Variants in PPP1R9A observed in about 807,000 individuals in gnomAD.
PPP1R9A encodes the protein protein phosphatase 1 regulatory subunit 9A.
A neutral mutation model predicts 141.9 loss-of-function variants in PPP1R9A; 59 were observed. The ratio of observed to expected loss-of-function variants is 0.42; its 90% CI spans 0.34 to 0.52. The LOEUF (loss-of-function observed/expected upper bound fraction) is 0.52, where lower values mean the gene tolerates loss of function less well. Ranked by LOEUF, PPP1R9A falls within the 20% of genes least tolerant of loss-of-function variation. The pLI is 0.10. For synonymous variants in PPP1R9A, 500 were observed against 569.7 expected (o/e 0.88, Z 1.74); for missense variants, 1,444 against 1,611.9 (o/e 0.90, Z 1.78).
At chr7:95,199,021 A>G (rs550618137) in intron 6 of PPP1R9A, among the ~76,000 whole-genome samples, 2 of 152,338 alleles carry the variant, frequency 1.3e-5, no homozygotes, top group East Asian at 1.9e-4. Flanking sequence ...ATAATGCAGA[A>G]CAAAGCTTTC....
chr7:94,959,747 C>G (rs925104500), intron 2 of PPP1R9A, among the ~76,000 whole-genome samples: 1 of 151,612 alleles, frequency 6.6e-6, no homozygotes, highest in African/African-American at 2.4e-5. Flanking sequence ...TCCTGTCACT[C>G]TAATAGGTCA....
At chr7:94,997,980 A>G (rs949472437) in intron 2 of PPP1R9A, among the ~76,000 whole-genome samples, 1 of 152,160 alleles carries the variant, frequency 6.6e-6, no homozygotes, top group Non-Finnish European at 1.5e-5. Flanking sequence ...GTTTGAAAAA[A>G]AATTTTTTTT....
chr7:95,095,877 T>A (rs1817944676), intron 2 of PPP1R9A, among the ~76,000 whole-genome samples: 2 of 152,214 alleles, frequency 1.3e-5, no homozygotes, highest in South Asian at 2.1e-4. Context: ...TTGAAGGTTT[T>A]TTTTTCCCAC....
At chr7:95,128,154 T>C (rs149279812) in intron 4 of PPP1R9A, among the ~76,000 whole-genome samples, 336 of 152,282 alleles carry the variant, frequency 2.2e-3, no homozygotes, top group Middle Eastern at 6.8e-3. Context: ...CATTCCCTTT[T>C]CTCCACAGCC....
At chr7:95,271,978 T>A (rs748041259) in intron 14 of PPP1R9A, among the ~76,000 whole-genome samples, 11 of 152,208 alleles carry the variant, frequency 7.2e-5, no homozygotes, top group Admixed American at 1.3e-4. Context: ...ATTCTTAACA[T>A]CTTCAGCCCT....
intron 2 of PPP1R9A, among the ~76,000 whole-genome samples, chr7:95,027,379 C>G (rs1370483112): frequency 1.3e-5 from 2 of 152,094 alleles, no homozygotes; most frequent in African/African-American, 4.8e-5. Context: ...AGGTGATGCC[C>G]CACCCTGCTT....
rs1039326758 is a variant in PPP1R9A, at chr7:94,956,300, T to C, written c.1395+44792T>C. Among the ~76,000 whole-genome samples the C allele has an allele frequency of 1.7e-4, 26 of 152,156 alleles. 1 individual carries two copies. Among genetic ancestry groups the C allele is most frequent in the African/African-American group, 5.5e-4 (23 of 41,452 alleles). Reference sequence around the variant, plus strand: ...AAACATATTGAGTGTTAATATTCTTTGGTTCTAGTTTATTTCTAAACAAAA... The same window carrying C: ...AAACATATTGAGTGTTAATATTCTTCGGTTCTAGTTTATTTCTAAACAAAA... On this transcript the variant is annotated intron_variant, in intron 2 of 19. Coordinates refer to ENST00000433360, the MANE Select transcript of PPP1R9A (RefSeq NM_001166160.2).
At chr7:94,933,035 C>CAT (rs140388119) in intron 2 of PPP1R9A, among the ~76,000 whole-genome samples, 34,524 of 151,372 alleles carry the variant, frequency 0.23, 4,712 homozygotes, top group South Asian at 0.42. Context: ...CACATCTCTG[C>CAT]ATATATATAT....
intron 12 of PPP1R9A, among the ~76,000 whole-genome samples, chr7:95,266,900 CG>C (rs1801386292): frequency 1.3e-5 from 2 of 152,024 alleles, no homozygotes; most frequent in African/African-American, 4.8e-5. Context: ...TAGATTTTAT[CG>C]GAAGGAGGAA....
intron 2 of PPP1R9A, among the ~76,000 whole-genome samples, chr7:95,034,217 T>A (rs952624125): frequency 2.0e-5 from 3 of 152,138 alleles, no homozygotes; most frequent in Non-Finnish European, 4.4e-5. Flanking sequence ...GATTTTTGTA[T>A]GTCCTTTGCT....
intron 4 of PPP1R9A, among the ~76,000 whole-genome samples, chr7:95,138,899 G>A (rs1014681591): frequency 6.6e-5 from 10 of 152,182 alleles, no homozygotes; most frequent in Admixed American, 6.5e-4. Flanking sequence ...ATGGCTAGTG[G>A]GAATGCAGAA....
At chr7:94,947,565 T>TG (rs1473701116) in intron 2 of PPP1R9A, among the ~76,000 whole-genome samples, 4 of 152,080 alleles carry the variant, frequency 2.6e-5, no homozygotes, top group African/African-American at 9.7e-5. Context: ...GTGCTTTCTC[T>TG]GGGGGCAGTT....
chr7:95,266,744 G>A (rs1240316530), intron 12 of PPP1R9A, among the ~76,000 whole-genome samples: 2 of 152,068 alleles, frequency 1.3e-5, no homozygotes, highest in African/African-American at 2.4e-5. Context: ...GGCATAAAAC[G>A]TGCAAGTACT....
chr7:95,269,379 C>T lies in PPP1R9A; in HGVS notation c.2996C>T (p.Pro999Leu). ...GAATTTCAAGAAGAACCACTGGACC[C>T]AGAAATGGGGCCTCTCTCCTCTATG... ...IAEFQEEPLD[P>L]EMGPLSSMWG... Residue 999 changes from proline (P) to leucine (L), a missense_variant, in exon 14 of 20, where the codon CCA (proline) becomes CTA (leucine). Physicochemically the swap from Pro to Leu is moderately conservative, Grantham distance 98. Around this residue, in one of 5 missense-constraint regions of PPP1R9A, gnomAD observed 459 missense variants for 513.8 expected, o/e 0.89. Transcript: ENST00000433360. The T allele has an allele frequency of 6.3e-7, 1 of 1,597,996 alleles. No homozygotes were observed. The highest frequency in any genetic ancestry group is 1.1e-5 in the South Asian group (1 of 90,828).
intron 4 of PPP1R9A, among the ~76,000 whole-genome samples, chr7:95,146,517 A>C (rs1205424117): frequency 6.6e-6 from 1 of 152,080 alleles, no homozygotes; most frequent in African/African-American, 2.4e-5. Flanking sequence ...CCCATTTGTG[A>C]ATTTTGGCTT....
intron 4 of PPP1R9A, among the ~76,000 whole-genome samples, chr7:95,157,259 C>G (rs909118886): frequency 6.7e-6 from 1 of 149,316 alleles, no homozygotes; most frequent in African/African-American, 2.4e-5. Flanking sequence ...CTCCCCCTCT[C>G]CCCCCCCAGA....
Position 95,190,804 on chromosome 7 carries a change from C to G in PPP1R9A, c.1755-7545C>G, listed in dbSNP as rs773065196. Among the ~76,000 whole-genome samples, 139 of 152,346 alleles carry G rather than the reference C, an allele frequency of 9.1e-4. 1 individual carries two copies. The highest frequency in any genetic ancestry group is 6.9e-4 in the Non-Finnish European group (47 of 68,032). ...TGGTGGTTCCTGGATTAAAAGTCCA[C>G]ATTGTGAGTCCCCACACATTGTTCT... On this transcript the variant is annotated intron_variant, in intron 5 of 19. Coordinates refer to ENST00000433360, the MANE Select transcript of PPP1R9A (RefSeq NM_001166160.2).
chr7:95,124,317 T>C (rs1316008107), intron 4 of PPP1R9A, among the ~76,000 whole-genome samples: 1 of 152,134 alleles, frequency 6.6e-6, no homozygotes, highest in Non-Finnish European at 1.5e-5. Context: ...ATAGTGTGAT[T>C]AATATGATGC....
intron 2 of PPP1R9A, among the ~76,000 whole-genome samples, chr7:95,051,718 A>T (rs6465452): frequency 1.1e-4 from 16 of 151,968 alleles, no homozygotes; most frequent in African/African-American, 3.9e-4. Context: ...AAAACTGGAG[A>T]GGTATTTAGA....
Sources: allele counts gnomAD v4.1 joint callset (sites outside exome capture counted in the v4.1 genomes callset), GRCh38; gene constraint gnomAD v4.1.1; regional missense constraint gnomAD v4.1.1; transcripts MANE v1.5; gene names NCBI Gene and HGNC (gene_info 2026-07-23, HGNC 2026-07-21).